HPSE2: variants seen among roughly 807,000 people sequenced by gnomAD.
HPSE2 encodes the protein inactive heparanase-2.
Under a neutral mutation model 60.5 loss-of-function variants are expected in HPSE2, and 38 were observed. The ratio of observed to expected loss-of-function variants is 0.63; its 90% CI spans 0.48 to 0.82. The LOEUF (loss-of-function observed/expected upper bound fraction) is 0.82, where lower values mean the gene tolerates loss of function less well. Ranked by LOEUF, HPSE2 falls within the 40% of genes least tolerant of loss-of-function variation. HPSE2 has a pLI of 0.00. For missense variants in HPSE2, 713 were observed against 740.4 expected, an observed-to-expected ratio of 0.96 and a Z score of 0.43; for synonymous variants, 295 against 293.2, an observed-to-expected ratio of 1.01 and a Z score of -0.06.
At chr10:99,177,582 T>C (rs1847578373) in intron 2 of HPSE2, among the ~76,000 whole-genome samples, 1 of 152,104 alleles carries the variant, frequency 6.6e-6, no homozygotes, top group South Asian at 2.1e-4. Flanking sequence ...TTATCCTAAA[T>C]GTATATGCAC....
chr10:99,060,900 G>T (rs1045089628), intron 3 of HPSE2, among the ~76,000 whole-genome samples: 2 of 151,998 alleles, frequency 1.3e-5, no homozygotes, highest in Non-Finnish European at 2.9e-5. Context: ...TAAAACAAAT[G>T]AATTCATGGA....
intron 3 of HPSE2, among the ~76,000 whole-genome samples, chr10:98,892,939 C>G (rs1033198975): frequency 2.6e-5 from 4 of 152,148 alleles, no homozygotes; most frequent in Admixed American, 6.6e-5. Flanking sequence ...ACTGGGGTAC[C>G]TACAAATGCC....
chr10:98,983,306 G>A (rs1195146393), intron 3 of HPSE2, among the ~76,000 whole-genome samples: 4 of 152,182 alleles, frequency 2.6e-5, no homozygotes, highest in South Asian at 4.1e-4. Flanking sequence ...ATCTGGGGAT[G>A]ATGGGAGACA....
chr10:98,801,516 TC>T (rs776726393), intron 3 of HPSE2, among the ~76,000 whole-genome samples: 4 of 151,924 alleles, frequency 2.6e-5, no homozygotes, highest in Non-Finnish European at 2.9e-5. Context: ...GGATACAAAA[TC>T]AACATGAAAA....
At chr10:99,050,902 A>G (rs1218353197) in intron 3 of HPSE2, among the ~76,000 whole-genome samples, 1 of 152,196 alleles carries the variant, frequency 6.6e-6, no homozygotes, top group African/African-American at 2.4e-5. Context: ...CACAGCAGAA[A>G]TAAATAACAA....
intron 9 of HPSE2, among the ~76,000 whole-genome samples, chr10:98,531,496 T>C (rs1257200591): frequency 1.3e-5 from 2 of 152,178 alleles, no homozygotes; most frequent in Admixed American, 6.5e-5. Flanking sequence ...TCTACTGTAC[T>C]CTGGGCCTGG....
At chr10:98,736,224 T>TTTA (rs57396068) in intron 4 of HPSE2, among the ~76,000 whole-genome samples, 1 of 151,506 alleles carries the variant, frequency 6.6e-6, no homozygotes, top group African/African-American at 2.4e-5. Flanking sequence ...TTTTTTTTTT[T>TTTA]ATTCAGTTCT....
At chr10:98,626,358 C>T (rs1437331800) in intron 7 of HPSE2, among the ~76,000 whole-genome samples, 2 of 152,152 alleles carry the variant, frequency 1.3e-5, no homozygotes, top group African/African-American at 4.8e-5. Context: ...TTATTGTAGA[C>T]TTTACAAATT....
At chr10:98,916,635 A>C (rs1954126449) in intron 3 of HPSE2, among the ~76,000 whole-genome samples, 1 of 152,158 alleles carries the variant, frequency 6.6e-6, no homozygotes, top group Non-Finnish European at 1.5e-5. Context: ...CAAAACTTCA[A>C]ACAGTTTCTG....
intron 3 of HPSE2, among the ~76,000 whole-genome samples, chr10:98,883,377 C>CATAGAAT (rs1342353682): frequency 2.0e-5 from 3 of 152,076 alleles, no homozygotes; most frequent in African/African-American, 7.2e-5. Context: ...AGCCAAGAAA[C>CATAGAAT]TTTATAATTC....
intron 3 of HPSE2, among the ~76,000 whole-genome samples, chr10:99,039,781 G>A (rs1362048199): frequency 1.3e-5 from 2 of 151,988 alleles, no homozygotes; most frequent in Non-Finnish European, 2.9e-5. Flanking sequence ...AATAGTCTCT[G>A]GGAGGCTTGG....
intron 9 of HPSE2, among the ~76,000 whole-genome samples, chr10:98,591,909 G>A (rs1589467129): frequency 6.6e-6 from 1 of 152,118 alleles, no homozygotes; most frequent in Non-Finnish European, 1.5e-5. Flanking sequence ...GGCCTATTTG[G>A]ATGAATATTT....
At chr10:98,854,952 G>A (rs1407920704) in intron 3 of HPSE2, among the ~76,000 whole-genome samples, 1 of 152,062 alleles carries the variant, frequency 6.6e-6, no homozygotes, top group Non-Finnish European at 1.5e-5. Context: ...CTTTACTTAG[G>A]ATACGGGAAG....
chr10:98,851,503 T>C (rs548251601), intron 3 of HPSE2, among the ~76,000 whole-genome samples: 2 of 152,338 alleles, frequency 1.3e-5, no homozygotes, highest in East Asian at 3.9e-4. Context: ...TGGATTCTTC[T>C]GCTTTTCTTC....
intron 2 of HPSE2, among the ~76,000 whole-genome samples, chr10:99,176,124 C>A (rs1408909839): frequency 6.6e-6 from 1 of 152,142 alleles, no homozygotes; most frequent in African/African-American, 2.4e-5. Context: ...AGGTCACCAA[C>A]ATCAAAGAGC....
chr10:98,747,220 A>C (rs1317025803), intron 3 of HPSE2, among the ~76,000 whole-genome samples: 1 of 152,162 alleles, frequency 6.6e-6, no homozygotes, highest in Non-Finnish European at 1.5e-5. Context: ...TTTCAATGAC[A>C]TCTATTAAGC....
intron 9 of HPSE2, among the ~76,000 whole-genome samples, chr10:98,562,950 A>T (rs539936614): frequency 2.6e-5 from 4 of 152,098 alleles, no homozygotes; most frequent in Non-Finnish European, 5.9e-5. Context: ...TGTCACACAA[A>T]TGGTTCCTGG....
Position 98,775,269 on chromosome 10 carries a change from C to A in HPSE2, c.611-31213G>T, listed in dbSNP as rs541163357. Among the ~76,000 whole-genome samples, 4 of 152,296 alleles carry A rather than the reference C, an allele frequency of 2.6e-5. No homozygotes were observed. The South Asian group carries it at 8.3e-4, about 32-fold the overall frequency. Reference sequence around the variant, plus strand: ...GCTGATATATGATCATCTTTCTTGTCTCTGGTTGATTTGCATATTGTGCCT... The same window carrying A: ...GCTGATATATGATCATCTTTCTTGTATCTGGTTGATTTGCATATTGTGCCT... On this transcript the variant is annotated intron_variant, in intron 3 of 11. Transcript: ENST00000370552.
intron 6 of HPSE2, among the ~76,000 whole-genome samples, chr10:98,681,669 T>A (rs1304125663): frequency 6.6e-6 from 1 of 152,168 alleles, no homozygotes; most frequent in Non-Finnish European, 1.5e-5. Context: ...CTCTATGAGG[T>A]CAAATTTTCT....
Sources: allele counts gnomAD v4.1 joint callset (sites outside exome capture counted in the v4.1 genomes callset), GRCh38; gene constraint gnomAD v4.1.1; transcripts MANE v1.5; gene names NCBI Gene and HGNC (gene_info 2026-07-23, HGNC 2026-07-21).